NRG3: variants seen among roughly 807,000 people sequenced by gnomAD.
The protein encoded by NRG3 is neuregulin 3.
Under a neutral mutation model 66.9 loss-of-function variants are expected in NRG3, and 31 were observed. The observed-to-expected ratio is 0.46, with a 90% CI of 0.35 to 0.63. The LOEUF (loss-of-function observed/expected upper bound fraction) is 0.63. Ranked by LOEUF, NRG3 falls within the 20% of genes least tolerant of loss-of-function variation. NRG3 has a pLI of 0.00. For missense variants in NRG3, 910 were observed against 878.9 expected (o/e 1.04, Z -0.45); for synonymous variants, 393 against 359.4 (o/e 1.09, Z -1.06).
intron 2 of NRG3, among the ~76,000 whole-genome samples, chr10:82,634,346 TG>T (rs777623679): frequency 1.3e-5 from 2 of 152,178 alleles, no homozygotes; most frequent in Non-Finnish European, 2.9e-5. Flanking sequence ...CATGTGTTTA[TG>T]TATACAGTAC....
At chr10:82,859,828 C>G (rs888146551) in intron 3 of NRG3, among the ~76,000 whole-genome samples, 2 of 151,958 alleles carry the variant, frequency 1.3e-5, no homozygotes, top group African/African-American at 4.8e-5. Context: ...ATACGTATTC[C>G]AAAATATCTG....
intron 1 of NRG3, among the ~76,000 whole-genome samples, chr10:82,210,703 C>T (rs1469103269): frequency 1.3e-5 from 2 of 152,162 alleles, no homozygotes; most frequent in African/African-American, 2.4e-5. Flanking sequence ...CCTAAATCAA[C>T]ACCATATCAA....
intron 1 of NRG3, among the ~76,000 whole-genome samples, chr10:82,337,013 T>C (rs2082425756): frequency 6.6e-6 from 1 of 152,184 alleles, no homozygotes; most frequent in Non-Finnish European, 1.5e-5. Flanking sequence ...TTTTCTCAAA[T>C]GGTTTGCAAA....
chr10:82,257,670 G>C (rs530846712), intron 1 of NRG3, among the ~76,000 whole-genome samples: 74 of 152,230 alleles, frequency 4.9e-4, no homozygotes, highest in African/African-American at 1.6e-3. Context: ...AGGAGCATGA[G>C]GTGGTAGGAT....
chr10:82,966,637 TG>T (rs1851233623), intron 6 of NRG3, among the ~76,000 whole-genome samples: 1 of 152,032 alleles, frequency 6.6e-6, no homozygotes, highest in African/African-American at 2.4e-5. Context: ...TCTTAAGGAG[TG>T]GGGAGTTACG....
At chr10:82,242,397 A>G (rs1177858454) in intron 1 of NRG3, among the ~76,000 whole-genome samples, 1 of 152,242 alleles carries the variant, frequency 6.6e-6, no homozygotes, top group Non-Finnish European at 1.5e-5. Context: ...CAGAAAATAT[A>G]TTAGGGACAA....
chr10:82,138,510 T>A (rs2069525729), intron 1 of NRG3, among the ~76,000 whole-genome samples: 1 of 152,096 alleles, frequency 6.6e-6, no homozygotes, highest in Non-Finnish European at 1.5e-5. Flanking sequence ...ACATATGAAG[T>A]GTATTAGTCA....
intron 4 of NRG3, among the ~76,000 whole-genome samples, chr10:82,943,264 G>A (rs1017940945): frequency 1.3e-5 from 2 of 152,138 alleles, no homozygotes; most frequent in African/African-American, 4.8e-5. Context: ...TATTTTATTG[G>A]TAAGGACAAT....
chr10:82,389,947 A>G (rs994015960), intron 2 of NRG3, among the ~76,000 whole-genome samples: 4 of 152,156 alleles, frequency 2.6e-5, no homozygotes, highest in Non-Finnish European at 5.9e-5. Flanking sequence ...TGGGCCATTT[A>G]TTGTACTGTG....
At chr10:82,762,909 C>T (rs1416047208) in intron 3 of NRG3, among the ~76,000 whole-genome samples, 1 of 152,142 alleles carries the variant, frequency 6.6e-6, no homozygotes, top group Admixed American at 6.5e-5. Flanking sequence ...AGGGCTCTGC[C>T]CTCATGAATG....
chr10:82,871,016 T>G (rs1245691296), intron 4 of NRG3, among the ~76,000 whole-genome samples: 1 of 152,218 alleles, frequency 6.6e-6, no homozygotes, highest in African/African-American at 2.4e-5. Flanking sequence ...ATCTAAATAC[T>G]CTCATATGTG....
At chr10:81,966,260 T>C (rs2059726734) in intron 1 of NRG3, among the ~76,000 whole-genome samples, 1 of 150,974 alleles carries the variant, frequency 6.6e-6, no homozygotes, top group African/African-American at 2.4e-5. Context: ...TCTTTTAATA[T>C]GCTACTAAAT....
At position 82,873,799 on chromosome 10, in the gene NRG3, G is replaced by C. The variant is rs1352895075; in HGVS notation, c.1054+8362G>C. Among the ~76,000 whole-genome samples, 3 of 152,128 alleles carry C rather than the reference G, an allele frequency of 2.0e-5. No homozygotes were observed. The East Asian group carries it at 5.8e-4, about 29-fold the overall frequency. On this transcript the variant is annotated intron_variant, in intron 4 of 8. Transcript: ENST00000372141. ...ATGCAAATTTCCTTCATTCTCATCG[G>C]GTAAACGAAATGAATGCTGTCAGTT...
intron 1 of NRG3, among the ~76,000 whole-genome samples, chr10:81,919,537 T>C (rs1286181839): frequency 2.0e-5 from 3 of 152,096 alleles, no homozygotes; most frequent in Non-Finnish European, 4.4e-5. Context: ...TCAAATATAA[T>C]CCATTGCTTC....
chr10:82,583,649 A>T (rs1045550510), intron 2 of NRG3, among the ~76,000 whole-genome samples: 1 of 152,180 alleles, frequency 6.6e-6, no homozygotes, highest in South Asian at 2.1e-4. Flanking sequence ...TTTGCCTGTG[A>T]CATGGAACTC....
chr10:82,205,478 AGGTATAT>A (rs2075070017), intron 1 of NRG3, among the ~76,000 whole-genome samples: 1 of 152,200 alleles, frequency 6.6e-6, no homozygotes, highest in Admixed American at 6.5e-5. Context: ...ACTCAGTAAG[AGGTATAT>A]GAATCAGGCT....
chr10:82,773,819 A>G (rs2059802263), intron 3 of NRG3, among the ~76,000 whole-genome samples: 2 of 152,198 alleles, frequency 1.3e-5, no homozygotes, highest in South Asian at 4.1e-4. Flanking sequence ...TTCCCTATTG[A>G]TTATAATGTT....
intron 2 of NRG3, among the ~76,000 whole-genome samples, chr10:82,438,943 CAT>C (rs1241117993): frequency 6.8e-6 from 1 of 146,210 alleles, no homozygotes; most frequent in Admixed American, 6.8e-5. Flanking sequence ...TTTTTTTTTT[CAT>C]ATGAGTCTCT....
rs200810972 is a variant in NRG3 at position 82,985,476 on chromosome 10, C to T, written c.1962C>T (p.Ser654=). 7 of 1,613,940 alleles carry T rather than the reference C, an allele frequency of 4.3e-6. No individual in the cohort carries two copies. Among genetic ancestry groups the T allele is most frequent in the African/African-American group, 2.7e-5 (2 of 74,910 alleles). The stretch of plus-strand genomic sequence containing the variant: ...GGTCAGAAGACTACGAACTGGCCAG[C>T]GTAGAAACCGAGGACAGTGCAAGCG... ...ARRSEDYELA[S]VETEDSASEN... The change falls in exon 9 of 9, where the codon AGC becomes AGT. Residue 654 remains serine, a synonymous_variant. Transcript: ENST00000372141.
Sources: gnomAD v4.1 joint callset for allele counts (sites outside exome capture counted in the v4.1 genomes callset) on GRCh38, gnomAD v4.1.1 for gene constraint, MANE v1.5 for transcripts, NCBI Gene and HGNC (gene_info 2026-07-23, HGNC 2026-07-21) for gene names.